The following ZMYM2 variants were observed in gnomAD, a reference collection of about 807,000 sequenced individuals.
ZMYM2 encodes the protein zinc finger MYM-type containing 2, also known as zinc finger MYM-type protein 2.
A neutral mutation model predicts 162.8 loss-of-function variants in ZMYM2; 56 were observed. The ratio of observed to expected loss-of-function variants is 0.34; its 90% confidence interval spans 0.28 to 0.43. The LOEUF is 0.43. ZMYM2 is among the 20% of genes least tolerant of loss of function. The pLI, the probability that ZMYM2 is intolerant of heterozygous loss-of-function variation, is 1.00. For synonymous variants in ZMYM2, 510 were observed against 541.6 expected (o/e 0.94, Z 0.81); for missense variants, 1,275 against 1,621.8 (o/e 0.79, Z 3.67).
chr13:20,070,527 T>A (rs1013999047), intron 21 of ZMYM2: 1 of 152,778 alleles, frequency 6.5e-6, no homozygotes, highest in Non-Finnish European at 1.5e-5. Context: ...TTTTTTTATT[T>A]TTTTGAGATG....
chr13:20,055,336 G>A (rs938724891), intron 14 of ZMYM2, among the ~76,000 whole-genome samples: 1 of 152,178 alleles, frequency 6.6e-6, no homozygotes, highest in African/African-American at 2.4e-5. Context: ...AAAAATTTGA[G>A]TTATCCAATG....
rs971367868 is a variant in ZMYM2 at position 20,029,801 on chromosome 13, AT to A, written c.1852-1505del. 7.1e-4 allele frequency among the ~76,000 whole-genome samples: 104 copies of A among 146,464 alleles called. 1 individual carries two copies. Among genetic ancestry groups the A allele is most frequent in the Non-Finnish European group, 7.9e-4 (52 of 66,104 alleles). On this transcript the variant is annotated intron_variant, in intron 9 of 24. Coordinates refer to ENST00000610343, the MANE Select transcript of ZMYM2 (RefSeq NM_197968.4). ...GCTTATATTGTGTCTTATTCTGTAA[AT>A]TTTTTTTTTTTTGGAGACAGAATCT...
intron 6 of ZMYM2, among the ~76,000 whole-genome samples, chr13:20,011,472 C>G (rs1207194897): frequency 6.6e-6 from 1 of 151,940 alleles, no homozygotes; most frequent in Non-Finnish European, 1.5e-5. Flanking sequence ...ATTTGCGTTG[C>G]TCATTCTGTA....
the ZMYM2 span, among the ~76,000 whole-genome samples, chr13:19,916,948 GC>G: frequency 2.0e-3 from 305 of 152,152 alleles, no homozygotes; most frequent in South Asian, 0.018. Flanking sequence ...GCGATTTGAA[GC>G]CTAGAGTTTT....
chr13:20,032,060 G>A (rs954448145), intron 10 of ZMYM2, among the ~76,000 whole-genome samples: 2 of 151,594 alleles, frequency 1.3e-5, no homozygotes, highest in Non-Finnish European at 2.9e-5. Flanking sequence ...TAGTAGAGAC[G>A]GGGTTTCACC....
intron 2 of ZMYM2, among the ~76,000 whole-genome samples, chr13:19,964,381 TA>T (rs11389376): frequency 1.2e-4 from 17 of 146,878 alleles, no homozygotes; most frequent in Admixed American, 3.4e-4. Flanking sequence ...GTCTCAAAAA[TA>T]AAAAAAAAAA....
chr13:19,932,110 G>A, the ZMYM2 span, among the ~76,000 whole-genome samples: 1 of 152,000 alleles, frequency 6.6e-6, no homozygotes, highest in Non-Finnish European at 1.5e-5. Context: ...TCTATTTTTT[G>A]GAAATGTCCC....
At chr13:19,999,205 A>G (rs1164653171) in intron 3 of ZMYM2, among the ~76,000 whole-genome samples, 1 of 152,154 alleles carries the variant, frequency 6.6e-6, no homozygotes, top group Non-Finnish European at 1.5e-5. Flanking sequence ...GGCATACCTC[A>G]TTTTATAGTA....
At chr13:19,875,457 G>T in the ZMYM2 span, among the ~76,000 whole-genome samples, 1 of 151,784 alleles carries the variant, frequency 6.6e-6, no homozygotes, top group Non-Finnish European at 1.5e-5. Flanking sequence ...GTGAAACCCT[G>T]TGTCTACTAA....
intron 6 of ZMYM2, among the ~76,000 whole-genome samples, chr13:20,014,464 G>A (rs2140098955): frequency 6.6e-6 from 1 of 152,228 alleles, no homozygotes; most frequent in Admixed American, 6.5e-5. Flanking sequence ...GTGTTTTTAG[G>A]AATTTGTGCA....
intron 10 of ZMYM2, among the ~76,000 whole-genome samples, chr13:20,032,241 T>G (rs1483534649): frequency 6.6e-6 from 1 of 152,192 alleles, no homozygotes; most frequent in Non-Finnish European, 1.5e-5. Flanking sequence ...TTCCCTTTTT[T>G]CATTAGTTTA....
At chr13:20,007,018 T>A (rs928622762) in intron 6 of ZMYM2, among the ~76,000 whole-genome samples, 2 of 152,240 alleles carry the variant, frequency 1.3e-5, no homozygotes, top group African/African-American at 4.8e-5. Context: ...TCAGAATGAT[T>A]CCTCTTTTGA....
rs1214129512 is a variant in ZMYM2, at chr13:20,087,745, A to G, written c.*1731A>G. 5.4e-6 allele frequency: 1 copy of G among 186,200 alleles called. No homozygotes were observed. The allele number at this position is 186,200 out of a possible 1,614,324, so 11.5% of individuals were successfully genotyped here. ...CTTGATTTTATATTGTTGAGTGATA[A>G]TCAGACTGATAGTAGCAAATCTGAT... On this transcript the variant is annotated 3_prime_UTR_variant, in exon 25 of 25. Transcript: ENST00000610343.
chr13:20,036,091 A>G (rs927601094), intron 11 of ZMYM2, among the ~76,000 whole-genome samples: 3 of 152,142 alleles, frequency 2.0e-5, no homozygotes, highest in Non-Finnish European at 4.4e-5. Flanking sequence ...CATGTAAGTC[A>G]TTCTACTTAC....
At chr13:20,073,763 G>A (rs1283329260) in intron 21 of ZMYM2, among the ~76,000 whole-genome samples, 3 of 152,100 alleles carry the variant, frequency 2.0e-5, no homozygotes, top group Non-Finnish European at 4.4e-5. Context: ...CTTCAATACC[G>A]TTAAGAGGTT....
the ZMYM2 span, among the ~76,000 whole-genome samples, chr13:19,870,060 CAG>C: frequency 1.1e-4 from 16 of 152,336 alleles, no homozygotes; most frequent in East Asian, 5.8e-4. Context: ...GAAGGCCTGA[CAG>C]GGGCTGATGG....
intron 3 of ZMYM2, among the ~76,000 whole-genome samples, chr13:20,002,096 G>A (rs2139894796): frequency 6.6e-6 from 1 of 152,228 alleles, no homozygotes; most frequent in South Asian, 2.1e-4. Context: ...ATGAGATTAT[G>A]TGTTACATTT....
rs1036492947 is a variant in ZMYM2 at position 20,088,769 on chromosome 13, TGACA to T, written c.*2759_*2762del. 19 of 195,378 alleles carry T rather than the reference TGACA, an allele frequency of 9.7e-5. No individual in the cohort carries two copies. The highest frequency in any genetic ancestry group is 3.2e-4 in the African/African-American group (14 of 43,302). The allele number at this position is 195,378 out of a possible 1,614,324, so 12.1% of individuals were successfully genotyped here. A position where few individuals can be genotyped will look rare whatever the true frequency, so the allele number is the denominator to read the frequency against. On this transcript the variant is annotated 3_prime_UTR_variant, in exon 25 of 25. Coordinates refer to ENST00000610343, the MANE Select transcript of ZMYM2 (RefSeq NM_197968.4). ...CATTCAAATTTATCACTGTTTTTTC[TGACA>T]GACTTTCCCTTTGTCCTTTCTAGTT...
intron 21 of ZMYM2, among the ~76,000 whole-genome samples, chr13:20,078,436 GCT>G (rs1957669889): frequency 6.6e-6 from 1 of 152,094 alleles, no homozygotes; most frequent in African/African-American, 2.4e-5. Context: ...GCTTTAGCTA[GCT>G]CTCCGAAACA....
Sources: gnomAD v4.1 joint callset for allele counts (sites outside exome capture counted in the v4.1 genomes callset) on GRCh38, gnomAD v4.1.1 for gene constraint, MANE v1.5 for transcripts, NCBI Gene and HGNC (gene_info 2026-07-23, HGNC 2026-07-21) for gene names.